The following BMPR2 variants were observed in gnomAD, a reference collection of about 807,000 sequenced individuals.
BMPR2 encodes the protein bone morphogenetic protein receptor type 2.
Under a neutral mutation model 100.8 loss-of-function variants are expected in BMPR2, and 29 were observed. The ratio of observed to expected loss-of-function variants is 0.29; its 90% CI spans 0.21 to 0.39. The LOEUF (loss-of-function observed/expected upper bound fraction) is 0.39, where lower values mean the gene tolerates loss of function less well. Among genes scored for constraint, BMPR2 ranks in the 10% least tolerant of loss-of-function variants. BMPR2 has a pLI of 1.00. For missense variants in BMPR2, 1,011 were observed against 1,274.5 expected (o/e 0.79, Z 3.15); for synonymous variants, 382 against 442.3 (o/e 0.86, Z 1.71).
At chr2:202,484,198 A>G (rs962000505) in intron 3 of BMPR2, among the ~76,000 whole-genome samples, 6 of 152,186 alleles carry the variant, frequency 3.9e-5, no homozygotes, top group Non-Finnish European at 7.3e-5. Context: ...CTCATTTTCA[A>G]CTGTTACAGG....
intron 1 of BMPR2, among the ~76,000 whole-genome samples, chr2:202,397,017 G>A (rs1328565167): frequency 6.6e-6 from 1 of 151,940 alleles, no homozygotes; most frequent in Admixed American, 6.6e-5. Context: ...TGCTGGTCTC[G>A]AACTCCCAGC....
At position 202,513,815 on chromosome 2, in the gene BMPR2, A is replaced by G. The variant is rs1008412937; in HGVS notation, c.515A>G (p.Tyr172Cys). Residue 172 changes from tyrosine (Y) to cysteine (C), a missense_variant, in exon 4 of 13, where the codon TAC becomes TGC. Tyr to Cys is a radical substitution (Grantham distance 194, BLOSUM62 -2). This residue lies in a region of BMPR2 where 355 missense variants were observed against 455.3 expected (regional missense o/e 0.78). Coordinates refer to ENST00000374580, the MANE Select transcript of BMPR2 (RefSeq NM_001204.7). The part of the protein sequence containing the change: ...AVLIVALCFG[Y>C]RMLTGDRKQG... ...TTGATAGTTGCCTTATGCTTTGGAT[A>G]CAGAATGTTGACAGGTAAAAATTAC... 1.2e-6 allele frequency: 2 copies of G among 1,610,450 alleles called. No individual in the cohort carries two copies. The highest frequency in any genetic ancestry group is 1.3e-5 in the African/African-American group (1 of 74,872).
chr2:202,498,913 C>T (rs1243614001), intron 3 of BMPR2, among the ~76,000 whole-genome samples: 2 of 152,152 alleles, frequency 1.3e-5, no homozygotes, highest in South Asian at 4.1e-4. Flanking sequence ...TACAACTATG[C>T]AAAGCTTGCA....
intron 10 of BMPR2, among the ~76,000 whole-genome samples, chr2:202,550,849 A>G (rs1253514661): frequency 1.3e-5 from 2 of 149,944 alleles, no homozygotes; most frequent in Non-Finnish European, 1.5e-5. Flanking sequence ...ATATAATAAT[A>G]GTGGCTTTTA....
At chr2:202,428,324 A>C (rs530180783) in intron 1 of BMPR2, among the ~76,000 whole-genome samples, 19 of 150,868 alleles carry the variant, frequency 1.3e-4, no homozygotes, top group African/African-American at 4.6e-4. Context: ...CTCTCTCTCT[A>C]CACACTGCCA....
At position 202,382,427 on chromosome 2, in the gene BMPR2, C is replaced by T. The variant is rs541776978; in HGVS notation, c.76+4877C>T. On this transcript the variant is annotated intron_variant, in intron 1 of 12. Coordinates refer to ENST00000374580, the MANE Select transcript of BMPR2 (RefSeq NM_001204.7). The stretch of plus-strand genomic sequence containing the variant: ...GCTGGTCTCAAACTCCTTACCTCAG[C>T]TGATCCACCCACCTTGGCCTCCCAA... Among the ~76,000 whole-genome samples, 14 of 152,092 alleles carry T rather than the reference C, an allele frequency of 9.2e-5. No homozygotes were observed. The South Asian group carries it at 2.7e-3, about 29-fold the overall frequency.
At chr2:202,404,472 A>G (rs1231189704) in intron 1 of BMPR2, among the ~76,000 whole-genome samples, 2 of 152,158 alleles carry the variant, frequency 1.3e-5, no homozygotes, top group East Asian at 1.9e-4. Flanking sequence ...CTGGGATTAC[A>G]GGCGTGAGCC....
chr2:202,469,775 G>A lies in BMPR2; in HGVS notation c.418+2086G>A, dbSNP rs963137189. Among the ~76,000 whole-genome samples the A allele has an allele frequency of 2.0e-5, 3 of 151,904 alleles. No homozygotes were observed. In the South Asian group the frequency reaches 6.3e-4, roughly 32 times the overall value. On this transcript the variant is annotated intron_variant, in intron 3 of 12. Coordinates refer to ENST00000374580, the MANE Select transcript of BMPR2 (RefSeq NM_001204.7). ...TGAGACTACAGGCCTGAGCCACCGCGCCCGGCCCCAATTGTATTTCATATT... is the reference window on the plus strand; with the variant it reads ...TGAGACTACAGGCCTGAGCCACCGCACCCGGCCCCAATTGTATTTCATATT...
At chr2:202,515,320 C>G (rs565131309) in intron 5 of BMPR2, among the ~76,000 whole-genome samples, 2 of 152,050 alleles carry the variant, frequency 1.3e-5, no homozygotes, top group Admixed American at 1.3e-4. Flanking sequence ...GCCTGTAATC[C>G]CAGTACTTTG....
rs1287964433 is a variant in BMPR2 at position 202,564,667 on chromosome 2, G to C, written c.*4721G>C. 1 of 152,168 alleles carries C rather than the reference G, an allele frequency of 6.6e-6. No homozygotes were observed. Among genetic ancestry groups the C allele is most frequent in the Non-Finnish European group, 1.5e-5 (1 of 68,026 alleles). The allele number at this position is 152,168 out of a possible 1,614,324, so 9.4% of individuals were successfully genotyped here. ...ACATAAAATTTGTTATCAAGAGAAGGCTTTTCTACAAGTTTCCAGATTAAC... is the reference window on the plus strand; with the variant it reads ...ACATAAAATTTGTTATCAAGAGAAGCCTTTTCTACAAGTTTCCAGATTAAC... On this transcript the variant is annotated 3_prime_UTR_variant, in exon 13 of 13. Coordinates refer to ENST00000374580, the MANE Select transcript of BMPR2 (RefSeq NM_001204.7).
At chr2:202,378,689 C>G (rs1234186984) in intron 1 of BMPR2, among the ~76,000 whole-genome samples, 1 of 152,038 alleles carries the variant, frequency 6.6e-6, no homozygotes, top group African/African-American at 2.4e-5. Flanking sequence ...CTATATGGTT[C>G]TGTTAAAATA....
At chr2:202,533,952 A>G (rs1688075425) in intron 9 of BMPR2, among the ~76,000 whole-genome samples, 1 of 152,206 alleles carries the variant, frequency 6.6e-6, no homozygotes, top group African/African-American at 2.4e-5. Context: ...CTTTAACTAT[A>G]AATCTGGCAT....
rs369111139 is a variant in BMPR2 at position 202,405,198 on chromosome 2, G to A, written c.76+27648G>A. Among the ~76,000 whole-genome samples, 44 of 152,170 alleles carry A rather than the reference G, an allele frequency of 2.9e-4. 2 individuals are homozygous for A. Among genetic ancestry groups the A allele is most frequent in the South Asian group, 1.0e-3 (5 of 4,822 alleles). ...GTACTATAAATTGGACATTAATGAAGTTTTGTGGTCCTGAAGCCTGAAAAA... is the reference window on the plus strand; with the variant it reads ...GTACTATAAATTGGACATTAATGAAATTTTGTGGTCCTGAAGCCTGAAAAA... On this transcript the variant is annotated intron_variant, in intron 1 of 12. Coordinates refer to ENST00000374580, the MANE Select transcript of BMPR2 (RefSeq NM_001204.7).
chr2:202,497,969 A>G (rs1331896198), intron 3 of BMPR2, among the ~76,000 whole-genome samples: 1 of 152,190 alleles, frequency 6.6e-6, no homozygotes. Context: ...CAGGCCTAAC[A>G]AAAGCTATTC....
At chr2:202,441,509 CCTGG>C (rs1691742464) in intron 1 of BMPR2, among the ~76,000 whole-genome samples, 2 of 139,254 alleles carry the variant, frequency 1.4e-5, no homozygotes, top group Admixed American at 1.4e-4. Context: ...TGGAGACCAT[CCTGG>C]CTAACACGGT....
chr2:202,422,974 G>A (rs576488743), intron 1 of BMPR2, among the ~76,000 whole-genome samples: 3 of 152,162 alleles, frequency 2.0e-5, no homozygotes, highest in East Asian at 1.9e-4. Flanking sequence ...CACTGCACCC[G>A]GCCTGTATAT....
intron 3 of BMPR2, among the ~76,000 whole-genome samples, chr2:202,499,114 A>G (rs1320984231): frequency 6.6e-6 from 1 of 152,102 alleles, no homozygotes; most frequent in Non-Finnish European, 1.5e-5. Flanking sequence ...GGGGAGGGGA[A>G]TTTGGCCCAA....
intron 11 of BMPR2, among the ~76,000 whole-genome samples, chr2:202,553,190 G>A (rs1032128345): frequency 2.6e-5 from 4 of 151,740 alleles, no homozygotes; most frequent in African/African-American, 9.7e-5. Context: ...AACTCCAAAA[G>A]TTCATAAGCA....
intron 10 of BMPR2, among the ~76,000 whole-genome samples, chr2:202,551,863 T>C (rs1688483828): frequency 1.2e-5 from 1 of 80,432 alleles, no homozygotes; most frequent in African/African-American, 3.6e-5. Context: ...TGCTGGCTAA[T>C]TTTTTTTTTT....
Sources: gnomAD v4.1 joint callset for allele counts (sites outside exome capture counted in the v4.1 genomes callset) on GRCh38, gnomAD v4.1.1 for gene constraint, gnomAD v4.1.1 regional missense constraint, MANE v1.5 for transcripts, NCBI Gene and HGNC (gene_info 2026-07-23, HGNC 2026-07-21) for gene names.